NUTM1: variants seen among roughly 807,000 people sequenced by gnomAD.
NUTM1 encodes the protein NUT family member 1.
Under a neutral mutation model 88.7 loss-of-function variants are expected in NUTM1, and 39 were observed. The ratio of observed to expected loss-of-function variants is 0.44; its 90% CI spans 0.34 to 0.57. The LOEUF is 0.57. Among genes scored for constraint, NUTM1 ranks in the 20% least tolerant of loss-of-function variants. The pLI is 0.01. For missense variants in NUTM1, 1,350 were observed against 1,414.5 expected (o/e 0.95, Z 0.73); for synonymous variants, 494 against 538.0 (o/e 0.92, Z 1.13).
chr15:34,353,671 G>A lies in NUTM1; in HGVS notation c.939-65G>A, dbSNP rs112514351. ...CCTTTCTTGGCCATGCTTGGCTGTC[G>A]TCTGGATTTCTGATGGGTCTGGTCT... On this transcript the variant is annotated intron_variant, in intron 4 of 7. Coordinates refer to ENST00000537011, the MANE Select transcript of NUTM1 (RefSeq NM_001284292.2). The A allele has an allele frequency of 1.5e-4, 237 of 1,590,538 alleles. 1 individual carries two copies. In the African/African-American group the frequency reaches 2.2e-3, roughly 14 times the overall value.
At position 34,356,440 on chromosome 15, in the gene NUTM1, G is replaced by A; in HGVS notation, c.2432G>A (p.Ser811Asn). Residue 811 changes from serine (S) to asparagine (N), a missense_variant, in exon 8 of 8, where the codon AGC becomes AAC. Around this residue, in one of 5 missense-constraint regions of NUTM1, gnomAD observed 730 missense variants for 728.8 expected, o/e 1.00. Transcript: ENST00000537011. ...GETLVPGDTE[S>N]SVIPCGGTVA... ...ACCCTAGTACCTGGGGATACGGAGA[G>A]CAGTGTGATTCCCTGTGGAGGCACA... The A allele has an allele frequency of 5.0e-6, 8 of 1,611,436 alleles. No homozygotes were observed. The highest frequency in any genetic ancestry group is 5.9e-6 in the Non-Finnish European group (7 of 1,178,416).
chr15:34,344,340 C>T (rs543969759), intron 1 of NUTM1, among the ~76,000 whole-genome samples: 3 of 146,074 alleles, frequency 2.1e-5, no homozygotes, highest in African/African-American at 7.6e-5. Context: ...GTGAAACCCC[C>T]AAAAATACAA....
chr15:34,356,163 G>C lies in NUTM1; in HGVS notation c.2155G>C (p.Asp719His). 1 of 1,611,762 alleles carries C rather than the reference G, an allele frequency of 6.2e-7. No homozygotes were observed. Among genetic ancestry groups the C allele is most frequent in the Non-Finnish European group, 8.5e-7 (1 of 1,178,170 alleles). ...WEGSSGAMWGDDRGTPMAQSY... is the reference protein window; with the variant it reads ...WEGSSGAMWGHDRGTPMAQSY... ...AGGCTCTTCAGGAGCCATGTGGGGA[G>C]ATGACAGAGGTACCCCCATGGCTCA... The change falls in exon 8 of 8, where the codon GAT (aspartate) becomes CAT (histidine). Residue 719 changes from aspartate to histidine, a missense_variant. Around this residue, in one of 5 missense-constraint regions of NUTM1, gnomAD observed 730 missense variants for 728.8 expected, o/e 1.00. Transcript: ENST00000537011.
Position 34,355,366 on chromosome 15 carries a change from C to A in NUTM1, c.1480-122C>A. The stretch of plus-strand genomic sequence containing the variant: ...GAAAGAGCTGCAGTATCTGTCTTTG[C>A]TACCATCGCTTAAACTACTTGCTTG... On this transcript the variant is annotated intron_variant, in intron 7 of 7. Coordinates refer to ENST00000537011, the MANE Select transcript of NUTM1 (RefSeq NM_001284292.2). The surrounding 1 kb of genome is among the most constrained non-coding windows in gnomAD (Gnocchi z 4.3). The A allele has an allele frequency of 1.1e-6, 1 of 923,334 alleles. No homozygotes were observed. The highest frequency in any genetic ancestry group is 1.7e-6 in the Non-Finnish European group (1 of 596,478). 57.2% of individuals were successfully genotyped at this position (923,334 alleles called of 1,614,324 possible).
chr15:34,351,594 C>A (rs1890711149), intron 4 of NUTM1, among the ~76,000 whole-genome samples: 1 of 152,006 alleles, frequency 6.6e-6, no homozygotes, highest in Non-Finnish European at 1.5e-5. Context: ...GGAGATTGGA[C>A]CCCGATAGAT....
At chr15:34,349,016 C>T (rs1890660377) in intron 3 of NUTM1, among the ~76,000 whole-genome samples, 1 of 152,084 alleles carries the variant, frequency 6.6e-6, no homozygotes, top group South Asian at 2.1e-4. Context: ...CCAGGGTCCT[C>T]CCCCCGTTCT....
intron 1 of NUTM1, among the ~76,000 whole-genome samples, chr15:34,344,502 CAAAAAAA>C (rs780145688): frequency 1.3e-4 from 11 of 85,744 alleles, no homozygotes; most frequent in South Asian, 7.4e-4. Flanking sequence ...GATCCTGTCT[CAAAAAAA>C]AAAAAAAAAA....
At chr15:34,347,569 A>C (rs1383941626) in intron 2 of NUTM1, among the ~76,000 whole-genome samples, 1 of 152,086 alleles carries the variant, frequency 6.6e-6, no homozygotes, top group Non-Finnish European at 1.5e-5. Flanking sequence ...CTACAAAAAA[A>C]TTTAAAAATA....
rs149533722 is a variant in NUTM1 at position 34,354,554 on chromosome 15, C to T, written c.1184C>T (p.Ala395Val). The T allele has an allele frequency of 3.4e-3, 5,473 of 1,614,154 alleles. 18 individuals are homozygous for T. The highest frequency in any genetic ancestry group is 5.6e-3 in the Middle Eastern group (34 of 6,062). The change falls in exon 6 of 8, where the codon GCT becomes GTT. Residue 395 changes from alanine (A) to valine (V), a missense_variant. Around this residue, in one of 5 missense-constraint regions of NUTM1, gnomAD observed 126 missense variants for 189.8 expected, o/e 0.66. Coordinates refer to ENST00000537011, the MANE Select transcript of NUTM1 (RefSeq NM_001284292.2). ...GCACCCAAGGAGATCCCACCAGAAG[C>T]TGTGAAGGAGTATGTTGACATCATG... is the stretch of plus-strand genomic sequence containing the variant. ...PEAPKEIPPEAVKEYVDIMEW... is the reference protein window; with the variant it reads ...PEAPKEIPPEVVKEYVDIMEW...
chr15:34,347,839 C>T (rs915799680), intron 2 of NUTM1, 130 bp from the exon 3 acceptor site: 15 of 518,646 alleles, frequency 2.9e-5, no homozygotes, highest in East Asian at 1.0e-4. Flanking sequence ...GGCGACAGAG[C>T]GAGACTCCAT....
chr15:34,346,077 A>G (rs748709103), intron 2 of NUTM1, 42 bp downstream of exon 2: 1 of 1,595,700 alleles, frequency 6.3e-7, no homozygotes, highest in East Asian at 2.2e-5. Context: ...GTACCTGCTC[A>G]TATCCTTTGA....
intron 1 of NUTM1, 51 bp downstream of exon 1, chr15:34,343,753 A>G: frequency 2.7e-6 from 4 of 1,495,526 alleles, no homozygotes; most frequent in Non-Finnish European, 3.6e-6. Context: ...GAGTTTTTAC[A>G]ATTTTTAAAA....
chr15:34,352,603 T>C (rs577812147), intron 4 of NUTM1, among the ~76,000 whole-genome samples: 479 of 148,054 alleles, frequency 3.2e-3, no homozygotes, highest in African/African-American at 0.012. Context: ...TTGAGACCAT[T>C]CTGGCTAACA....
At chr15:34,353,966 G>C (rs1890753168) in intron 5 of NUTM1, 94 bp downstream of exon 5, 2 of 1,397,584 alleles carry the variant, frequency 1.4e-6, no homozygotes, top group South Asian at 2.5e-5. Context: ...CATAGCCCAG[G>C]CTCTGCCACT....
chr15:34,354,358 C>T (rs1890760024), intron 5 of NUTM1, 88 bp from the exon 6 acceptor site: 2 of 1,365,986 alleles, frequency 1.5e-6, no homozygotes, highest in Non-Finnish European at 2.1e-6. Flanking sequence ...TTCTCCTGTC[C>T]ATCTCTTACC....
Position 34,348,414 on chromosome 15 carries a change from T to C in NUTM1, c.546T>C (p.Gly182=). Residue 182 remains glycine (G), a synonymous_variant, in exon 3 of 8, where the codon GGT becomes GGC. Coordinates refer to ENST00000537011, the MANE Select transcript of NUTM1 (RefSeq NM_001284292.2). ...PSKAVGVSQE[G]PPGLPPQPPP... is the part of the protein sequence containing the mutation. Reference sequence around the variant, plus strand: ...AGGCTGTTGGTGTCAGCCAGGAGGGTCCTCCAGGCCTTCCGCCTCAGCCTC... The same window carrying C: ...AGGCTGTTGGTGTCAGCCAGGAGGGCCCTCCAGGCCTTCCGCCTCAGCCTC... 1 of 1,614,040 alleles carries C rather than the reference T, an allele frequency of 6.2e-7. No homozygotes were observed.
At chr15:34,349,360 T>A (rs1284835616) in intron 3 of NUTM1, among the ~76,000 whole-genome samples, 1 of 152,176 alleles carries the variant, frequency 6.6e-6, no homozygotes, top group African/African-American at 2.4e-5. Flanking sequence ...CTGAGGAGAT[T>A]AAATGGGTTA....
Position 34,355,834 on chromosome 15 carries a change from TGGAGA to T in NUTM1, c.1834_1838del (p.Arg612ValfsTer29). 1 of 1,614,032 alleles carries T rather than the reference TGGAGA, an allele frequency of 6.2e-7. No individual in the cohort carries two copies. The highest frequency in any genetic ancestry group is 8.5e-7 in the Non-Finnish European group (1 of 1,179,994). ...CAGGGAACTCCGGGACCCTTGGGTGTGGAGAGGAGAGGGTCTGGGAAGGTTATAAA... is the reference window on the plus strand; with the variant it reads ...CAGGGAACTCCGGGACCCTTGGGTGTGGAGAGGGTCTGGGAAGGTTATAAA... On this transcript the variant is annotated frameshift_variant, in exon 8 of 8. Transcript: ENST00000537011. LOFTEE classifies it high-confidence loss of function. This position sits in a 1 kb window ranked among gnomAD's most constrained non-coding sequence, Gnocchi z 4.3.
chr15:34,345,723 G>A (rs1288472254), intron 1 of NUTM1: 12 of 557,838 alleles, frequency 2.2e-5, no homozygotes, highest in Admixed American at 6.9e-5. Flanking sequence ...TAGCCCTAAA[G>A]AGGCAAACAT....
Sources: allele counts gnomAD v4.1 joint callset (sites outside exome capture counted in the v4.1 genomes callset), GRCh38; gene constraint gnomAD v4.1.1; regional missense constraint gnomAD v4.1.1; non-coding constraint Gnocchi (gnomAD v3.1); transcripts MANE v1.5; gene names NCBI Gene and HGNC (gene_info 2026-07-23, HGNC 2026-07-21).